GGACT: variants seen among roughly 807,000 people sequenced by gnomAD.
The protein encoded by GGACT is gamma-glutamylamine cyclotransferase, also known as gamma-glutamylaminecyclotransferase.
For synonymous variants in GGACT, 118 were observed against 115.3 expected (o/e 1.02, Z -0.15); for missense variants, 241 against 233.2 (o/e 1.03, Z -0.22).
chr13:100,586,602 C>T (rs1875583622), intron 1 of GGACT: 1 of 152,080 alleles, frequency 6.6e-6, no homozygotes, highest in Non-Finnish European at 1.5e-5. Flanking sequence ...CCACCCTTTC[C>T]ATTCCTGTGC....
Position 100,586,005 on chromosome 13 carries a change from G to T in GGACT, c.-183-2008C>A, listed in dbSNP as rs531458365. On this transcript the variant is annotated intron_variant, in intron 1 of 2. Transcript: ENST00000683975. ...TCAAAAAATAAAATAAAATAAAAAG[G>T]TAACAGTCAACAAATTCTTGTCTGG... is the stretch of plus-strand genomic sequence containing the variant. Among the ~76,000 whole-genome samples, 11 of 152,088 alleles carry T rather than the reference G, an allele frequency of 7.2e-5. No individual in the cohort carries two copies. In the South Asian group the frequency reaches 2.3e-3, roughly 32 times the overall value.
chr13:100,541,215 C>T (rs906754939), intron 2 of GGACT, among the ~76,000 whole-genome samples: 14 of 152,232 alleles, frequency 9.2e-5, no homozygotes, highest in Admixed American at 5.2e-4. Flanking sequence ...GAGCCCAGCC[C>T]TTGCAGGGCC....
rs2088423650 is a variant in GGACT at position 100,532,495 on chromosome 13, GC to G, written c.96del (p.Arg33AlafsTer11). On this transcript the variant is annotated frameshift_variant, in exon 3 of 3. Transcript: ENST00000683975. LOFTEE classifies it low-confidence loss of function (END_TRUNC). The stretch of plus-strand genomic sequence containing the variant: ...GGGTAGGGCTCCAGCGTGCGGCCGC[GC>G]GCCCGAAAGGCTGCGGAGCCGTGGG... ...DGAHGSAAFR[A>X]RGRTLEPYPL... 6.5e-7 allele frequency: 1 copy of G among 1,548,816 alleles called. No homozygotes were observed. The highest frequency in any genetic ancestry group is 1.4e-5 in the African/African-American group (1 of 73,138).
rs571786205 is a variant in GGACT at position 100,535,037 on chromosome 13, G to A, written c.-10-2436C>T. On this transcript the variant is annotated intron_variant, in intron 2 of 2. Coordinates refer to ENST00000683975, the MANE Select transcript of GGACT (RefSeq NM_001195087.2). Reference sequence around the variant, plus strand: ...CTTGTTTGTTGCTGGAACATGAAGGGCCAGAAGAGAACTTGGAAACTGTTT... The same window carrying A: ...CTTGTTTGTTGCTGGAACATGAAGGACCAGAAGAGAACTTGGAAACTGTTT... Among the ~76,000 whole-genome samples the A allele has an allele frequency of 1.1e-4, 16 of 152,298 alleles. No homozygotes were observed. In the South Asian group the frequency reaches 2.7e-3, roughly 26 times the overall value.
intron 2 of GGACT, among the ~76,000 whole-genome samples, chr13:100,559,482 C>T (rs533777959): frequency 2.0e-5 from 3 of 151,782 alleles, no homozygotes; most frequent in Non-Finnish European, 4.4e-5. Context: ...CCACCGTGCC[C>T]GACCTGTACA....
In GGACT at chr13:100,530,883, C is replaced by T. The variant is rs1226860695; in HGVS notation, c.*1247G>A. 1 of 153,116 alleles carries T rather than the reference C, an allele frequency of 6.5e-6. No homozygotes were observed. The highest frequency in any genetic ancestry group is 1.9e-4 in the East Asian group (1 of 5,194). The allele number at this position is 153,116 out of a possible 1,614,324, so 9.5% of individuals were successfully genotyped here. On this transcript the variant is annotated 3_prime_UTR_variant, in exon 3 of 3. Transcript: ENST00000683975. ...CAGTCACAAGGAGCTTGGGCTGCCT[C>T]ACCGCCCTCATCAAGCACAGGGCCG... is the stretch of plus-strand genomic sequence containing the variant.
In GGACT at chr13:100,584,850, TAAAAAG is replaced by T. The variant is rs1382633108; in HGVS notation, c.-183-859_-183-854del. Among the ~76,000 whole-genome samples, 12 of 152,126 alleles carry T rather than the reference TAAAAAG, an allele frequency of 7.9e-5. 1 individual carries two copies. The South Asian group carries it at 2.3e-3, about 29-fold the overall frequency. Reference sequence around the variant, plus strand: ...TATACTCTCCTACAAATAAGAAAAGTAAAAAGAAAAAGAAAAAATGTCTTCTCAGCC... The same window carrying T: ...TATACTCTCCTACAAATAAGAAAAGTAAAAAGAAAAAATGTCTTCTCAGCC... On this transcript the variant is annotated intron_variant, in intron 1 of 2. Coordinates refer to ENST00000683975, the MANE Select transcript of GGACT (RefSeq NM_001195087.2).
chr13:100,556,118 A>G (rs1329059696), intron 2 of GGACT, among the ~76,000 whole-genome samples: 1 of 152,232 alleles, frequency 6.6e-6, no homozygotes, highest in Admixed American at 6.5e-5. Flanking sequence ...TAAATCCTCG[A>G]GGTTCTAGCC....
intron 2 of GGACT, among the ~76,000 whole-genome samples, chr13:100,565,572 G>T (rs756408126): frequency 1.3e-5 from 2 of 152,160 alleles, no homozygotes; most frequent in African/African-American, 2.4e-5. Flanking sequence ...TAACCACTCA[G>T]GTTAACCCCC....
chr13:100,587,465 T>A (rs906829319), intron 1 of GGACT, among the ~76,000 whole-genome samples: 1 of 152,182 alleles, frequency 6.6e-6, no homozygotes, highest in African/African-American at 2.4e-5. Flanking sequence ...TAGAACACAG[T>A]GGTCTGCTTA....
rs567850442 is a variant in GGACT, at chr13:100,534,729, C to T, written c.-10-2128G>A. Among the ~76,000 whole-genome samples, 43 of 152,284 alleles carry T rather than the reference C, an allele frequency of 2.8e-4. No homozygotes were observed. Among genetic ancestry groups the T allele is most frequent in the Non-Finnish European group, 5.0e-4 (34 of 68,010 alleles). Reference sequence around the variant, plus strand: ...CATCAGCACTTCCCCTGCCACGTCTCCCAACCTGCTCTCCTCCTCCAATGC... The same window carrying T: ...CATCAGCACTTCCCCTGCCACGTCTTCCAACCTGCTCTCCTCCTCCAATGC... On this transcript the variant is annotated intron_variant, in intron 2 of 2. Transcript: ENST00000683975. The surrounding 1 kb of genome is among the most constrained non-coding windows in gnomAD (Gnocchi z 4.9).
intron 2 of GGACT, among the ~76,000 whole-genome samples, chr13:100,556,120 G>C (rs1235681653): frequency 6.6e-6 from 1 of 152,204 alleles, no homozygotes; most frequent in Admixed American, 6.5e-5. Flanking sequence ...AATCCTCGAG[G>C]TTCTAGCCAG....
chr13:100,531,009 T>G lies in GGACT; in HGVS notation c.*1121A>C, dbSNP rs2088363039. 6.6e-6 allele frequency: 1 copy of G among 152,288 alleles called. No individual in the cohort carries two copies. Among genetic ancestry groups the G allele is most frequent in the Non-Finnish European group, 1.5e-5 (1 of 68,080 alleles). The allele number at this position is 152,288 out of a possible 1,614,324, so 9.4% of individuals were successfully genotyped here. On this transcript the variant is annotated 3_prime_UTR_variant, in exon 3 of 3. Transcript: ENST00000683975. Reference sequence around the variant, plus strand: ...AAGCTAAAAATAATGATCATGTTTTTGTGCCAGATGCAGTTAGCGATCACA... The same window carrying G: ...AAGCTAAAAATAATGATCATGTTTTGGTGCCAGATGCAGTTAGCGATCACA...
intron 2 of GGACT, among the ~76,000 whole-genome samples, chr13:100,569,798 A>C (rs1875024999): frequency 6.6e-6 from 1 of 152,232 alleles, no homozygotes; most frequent in Non-Finnish European, 1.5e-5. Context: ...TGCTGCTTAG[A>C]AACTTCTACC....
intron 2 of GGACT, among the ~76,000 whole-genome samples, chr13:100,563,095 A>C (rs2088780012): frequency 1.3e-5 from 2 of 152,216 alleles, no homozygotes; most frequent in Non-Finnish European, 2.9e-5. Context: ...AACTGTGAGA[A>C]AGTTCTGTTG....
At chr13:100,552,395 C>T (rs1160008661) in intron 2 of GGACT, among the ~76,000 whole-genome samples, 1 of 152,110 alleles carries the variant, frequency 6.6e-6, no homozygotes, top group Non-Finnish European at 1.5e-5. Context: ...CTACACGCCA[C>T]CCCCCAACAT....
In GGACT at chr13:100,573,894, A is replaced by AAAC. The variant is rs1555334850; in HGVS notation, c.-11+9930_-11+9931insGTT. Among the ~76,000 whole-genome samples, 711 of 150,610 alleles carry AAAC rather than the reference A, an allele frequency of 4.7e-3. 3 individuals are homozygous for AAAC. Among genetic ancestry groups the AAAC allele is most frequent in the African/African-American group, 0.012 (488 of 40,950 alleles). On this transcript the variant is annotated intron_variant, in intron 2 of 2. Coordinates refer to ENST00000683975, the MANE Select transcript of GGACT (RefSeq NM_001195087.2). ...GCATTATCAAAAAGTCAAAAAAAAA[A>AAAC]AAAAAACATGCTGGCGAGGCTGTGG...
intron 2 of GGACT, among the ~76,000 whole-genome samples, chr13:100,565,936 C>T (rs1448455845): frequency 6.6e-6 from 1 of 152,234 alleles, no homozygotes; most frequent in East Asian, 1.9e-4. Flanking sequence ...GGCTTCTGTC[C>T]TGGGAGCTCT....
chr13:100,560,096 T>C (rs2088746128), intron 2 of GGACT, among the ~76,000 whole-genome samples: 1 of 151,796 alleles, frequency 6.6e-6, no homozygotes, highest in Non-Finnish European at 1.5e-5. Flanking sequence ...GGGCTGTTAC[T>C]GGGGAGGGAG....
Sources: gnomAD v4.1 joint callset for allele counts (sites outside exome capture counted in the v4.1 genomes callset) on GRCh38, gnomAD v4.1.1 for gene constraint, Gnocchi (gnomAD v3.1) non-coding constraint, MANE v1.5 for transcripts, NCBI Gene and HGNC (gene_info 2026-07-23, HGNC 2026-07-21) for gene names.